COL22A1: variants seen among roughly 807,000 people sequenced by gnomAD.
COL22A1 encodes the protein collagen type XXII alpha 1 chain.
Under a neutral mutation model 248.9 loss-of-function variants are expected in COL22A1, and 221 were observed. The ratio of observed to expected loss-of-function variants is 0.89; its 90% confidence interval spans 0.80 to 0.99. The LOEUF is 0.99. COL22A1 is among the 50% of genes least tolerant of loss of function. The pLI, the probability that COL22A1 is intolerant of heterozygous loss-of-function variation, is 0.00. For synonymous variants in COL22A1, 891 were observed against 793.4 expected (o/e 1.12, Z -2.07); for missense variants, 2,240 against 2,179.0 (o/e 1.03, Z -0.56).
At chr8:138,703,195 A>G in intron 31 of COL22A1, 111 bp downstream of exon 31, 4 of 978,758 alleles carry the variant, frequency 4.1e-6, no homozygotes, top group Non-Finnish European at 6.5e-6. Flanking sequence ...GCTATTGGCA[A>G]ACTCCAATAG....
chr8:138,867,070 G>C (rs1375022044), intron 3 of COL22A1, among the ~76,000 whole-genome samples: 1 of 152,176 alleles, frequency 6.6e-6, no homozygotes, highest in Admixed American at 6.5e-5. Context: ...CTCCTGTAAA[G>C]GGCCCGATAG....
intron 45 of COL22A1, among the ~76,000 whole-genome samples, chr8:138,654,050 G>A (rs375171302): frequency 1.3e-5 from 2 of 152,276 alleles, no homozygotes; most frequent in East Asian, 3.9e-4. Flanking sequence ...ATATTGATTT[G>A]ACTAAATATC....
chr8:138,806,031 T>TGG (rs1817610152), intron 10 of COL22A1, among the ~76,000 whole-genome samples: 1 of 26,998 alleles, frequency 3.7e-5, no homozygotes, highest in Non-Finnish European at 6.9e-5. Context: ...GGTGTGTGGT[T>TGG]GTGTGTGTGA....
At chr8:138,782,296 C>T (rs113058582) in intron 12 of COL22A1, among the ~76,000 whole-genome samples, 2,410 of 152,342 alleles carry the variant, frequency 0.016, 30 homozygotes, top group Middle Eastern at 0.027. Context: ...ATGGCTCATG[C>T]AGCCTTGACC....
intron 25 of COL22A1, among the ~76,000 whole-genome samples, chr8:138,722,352 G>T (rs903972576): frequency 1.3e-5 from 2 of 152,170 alleles, no homozygotes; most frequent in Non-Finnish European, 2.9e-5. Flanking sequence ...GGGTGGGGGC[G>T]TGGGAGGACA....
At chr8:138,835,624 T>C (rs2131831981) in intron 4 of COL22A1, among the ~76,000 whole-genome samples, 1 of 152,160 alleles carries the variant, frequency 6.6e-6, no homozygotes, top group Middle Eastern at 3.4e-3. Flanking sequence ...CAGTGCAGAT[T>C]TGTCAAACTG....
intron 4 of COL22A1, among the ~76,000 whole-genome samples, chr8:138,833,920 T>C (rs756058743): frequency 6.6e-6 from 1 of 152,146 alleles, no homozygotes; most frequent in Non-Finnish European, 1.5e-5. Context: ...CAATGATGCC[T>C]ACTGGGTAGA....
At chr8:138,655,050 C>A (rs1250757360) in intron 45 of COL22A1, among the ~76,000 whole-genome samples, 1 of 152,202 alleles carries the variant, frequency 6.6e-6, no homozygotes, top group African/African-American at 2.4e-5. Flanking sequence ...GGGTTAAAGG[C>A]CAGCCTCTGG....
At chr8:138,797,273 C>G (rs1232493574) in intron 11 of COL22A1, among the ~76,000 whole-genome samples, 2 of 152,266 alleles carry the variant, frequency 1.3e-5, no homozygotes, top group African/African-American at 2.4e-5. Flanking sequence ...TACTCTAGCT[C>G]TAGGAAAACA....
At chr8:138,757,980 G>C (rs540410733) in intron 18 of COL22A1, among the ~76,000 whole-genome samples, 10 of 152,330 alleles carry the variant, frequency 6.6e-5, no homozygotes, top group African/African-American at 1.9e-4. Context: ...AGAAACAGCA[G>C]ACGTGCTGGG....
At chr8:138,845,726 A>T (rs1300090073) in intron 3 of COL22A1, among the ~76,000 whole-genome samples, 1 of 152,040 alleles carries the variant, frequency 6.6e-6, no homozygotes, top group Non-Finnish European at 1.5e-5. Context: ...GGGAGATATT[A>T]ATATGCACAC....
chr8:138,741,091 C>A (rs1342645395), intron 22 of COL22A1, among the ~76,000 whole-genome samples: 1 of 152,216 alleles, frequency 6.6e-6, no homozygotes, highest in Non-Finnish European at 1.5e-5. Flanking sequence ...AAATGGACTG[C>A]TTAGCTCAGC....
intron 1 of COL22A1, among the ~76,000 whole-genome samples, chr8:138,885,363 C>A (rs1379516434): frequency 6.6e-6 from 1 of 152,110 alleles, no homozygotes; most frequent in African/African-American, 2.4e-5. Flanking sequence ...AGGTCACACT[C>A]CTGGAAGTGG....
chr8:138,886,840 C>T (rs181313319), intron 1 of COL22A1, among the ~76,000 whole-genome samples: 7 of 152,300 alleles, frequency 4.6e-5, no homozygotes, highest in South Asian at 4.1e-4. Flanking sequence ...GACCTCAGGT[C>T]GCAGGCTGTT....
At chr8:138,883,585 C>T (rs147437382) in intron 1 of COL22A1, among the ~76,000 whole-genome samples, 6 of 152,314 alleles carry the variant, frequency 3.9e-5, no homozygotes, top group Non-Finnish European at 5.9e-5. Context: ...GGAATCCCCA[C>T]GTGTCGAGGG....
intron 10 of COL22A1, among the ~76,000 whole-genome samples, chr8:138,805,961 T>TG (rs1554632036): frequency 7.8e-6 from 1 of 127,502 alleles, no homozygotes; most frequent in East Asian, 2.4e-4. Context: ...TTATGGTGTG[T>TG]ATGTGTGATA....
chr8:138,614,011 A>T, intron 55 of COL22A1, 91 bp from the exon 56 acceptor site: 1 of 986,732 alleles, frequency 1.0e-6, no homozygotes, highest in Non-Finnish European at 1.6e-6. Context: ...AACCTCGCCA[A>T]GTTACCCAAA....
intron 1 of COL22A1, among the ~76,000 whole-genome samples, chr8:138,905,054 C>T (rs987204415): frequency 2.0e-5 from 3 of 152,198 alleles, no homozygotes; most frequent in African/African-American, 7.2e-5. Context: ...GTCATAGCAG[C>T]ATTAAAAATA....
chr8:138,651,345 C>A (rs1002081324), intron 45 of COL22A1, among the ~76,000 whole-genome samples: 9 of 152,270 alleles, frequency 5.9e-5, no homozygotes, highest in South Asian at 2.1e-4. Flanking sequence ...TCTTTGCTTG[C>A]CAAATTCATG....
Sources: allele counts gnomAD v4.1 joint callset (sites outside exome capture counted in the v4.1 genomes callset), GRCh38; gene constraint gnomAD v4.1.1; transcripts MANE v1.5; gene names NCBI Gene and HGNC (gene_info 2026-07-23, HGNC 2026-07-21).